The following CCAR1 variants were observed in gnomAD, a reference collection of about 807,000 sequenced individuals.
CCAR1 encodes the protein cell division cycle and apoptosis regulator protein 1.
Under a neutral mutation model 163.8 loss-of-function variants are expected in CCAR1, and 78 were observed. The observed-to-expected ratio is 0.48, with a 90% CI of 0.40 to 0.57. The LOEUF (loss-of-function observed/expected upper bound fraction) is 0.57, where lower values mean the gene tolerates loss of function less well. Among genes scored for constraint, CCAR1 ranks in the 20% least tolerant of loss-of-function variants. The pLI is 0.00. For synonymous variants in CCAR1, 443 were observed against 460.7 expected (o/e 0.96, Z 0.49); for missense variants, 1,019 against 1,365.2 (o/e 0.75, Z 4.00).
At chr10:68,762,984 T>G (rs1208264844) in intron 16 of CCAR1, among the ~76,000 whole-genome samples, 1 of 152,144 alleles carries the variant, frequency 6.6e-6, no homozygotes, top group Non-Finnish European at 1.5e-5. Context: ...TTGGAGAAAT[T>G]TTATTATGGA....
In CCAR1 at chr10:68,726,687, CAT is replaced by C. The variant is rs35105565; in HGVS notation, c.73+4112_73+4113del. Among the ~76,000 whole-genome samples the C allele has an allele frequency of 1.6e-3, 239 of 152,198 alleles. 2 individuals carry two copies. The East Asian group carries it at 0.044, about 28-fold the overall frequency. Reference sequence around the variant, plus strand: ...TCCATCAGATCTGATATTCCTAAAACATAGTTTCTGTCAAAATCACAGAATTT... The same window carrying C: ...TCCATCAGATCTGATATTCCTAAAACAGTTTCTGTCAAAATCACAGAATTT... On this transcript the variant is annotated intron_variant, in intron 2 of 24. Transcript: ENST00000265872.
In CCAR1 at chr10:68,779,296, C is replaced by T. The variant is rs147674072; in HGVS notation, c.2650+6197C>T. On this transcript the variant is annotated intron_variant, in intron 19 of 24. Coordinates refer to ENST00000265872, the MANE Select transcript of CCAR1 (RefSeq NM_018237.4). ...TTTTTGAGACAGAGTTTTGCTCTGT[C>T]GCCCAGCCTGGAGTGTCGTCGCGTG... Among the ~76,000 whole-genome samples the T allele has an allele frequency of 2.8e-3, 418 of 151,020 alleles. 7 individuals are homozygous for T. Among genetic ancestry groups the T allele is most frequent in the Admixed American group, 0.024 (369 of 15,134 alleles).
At chr10:68,729,248 C>G (rs535732903) in intron 2 of CCAR1, among the ~76,000 whole-genome samples, 3 of 150,004 alleles carry the variant, frequency 2.0e-5, no homozygotes, top group South Asian at 2.1e-4. Flanking sequence ...GTGACTTACT[C>G]TTTTTTGTTT....
chr10:68,752,482 T>C (rs938036291), intron 10 of CCAR1, among the ~76,000 whole-genome samples: 5 of 152,232 alleles, frequency 3.3e-5, no homozygotes, highest in South Asian at 2.1e-4. Flanking sequence ...GAAACAATTA[T>C]ACATACTTGC....
chr10:68,731,676 A>G (rs1174063872), intron 2 of CCAR1, among the ~76,000 whole-genome samples: 2 of 141,290 alleles, frequency 1.4e-5, no homozygotes, highest in African/African-American at 5.3e-5. Context: ...GCTCACTGCA[A>G]CCTCTACCTC....
intron 3 of CCAR1, among the ~76,000 whole-genome samples, chr10:68,737,326 G>T (rs530868048): frequency 6.6e-6 from 1 of 151,926 alleles, no homozygotes; most frequent in Non-Finnish European, 1.5e-5. Context: ...GCAACGTGGT[G>T]AGACAGCGTC....
At chr10:68,779,008 A>T (rs1309366729) in intron 19 of CCAR1, among the ~76,000 whole-genome samples, 1 of 151,932 alleles carries the variant, frequency 6.6e-6, no homozygotes. Flanking sequence ...ACGCCTGGCT[A>T]ATTTTTTTGT....
At chr10:68,723,465 A>G (rs1214301491) in intron 2 of CCAR1, among the ~76,000 whole-genome samples, 5 of 151,928 alleles carry the variant, frequency 3.3e-5, no homozygotes, top group Non-Finnish European at 5.9e-5. Context: ...TTAACTTTTA[A>G]TTGATTTAAT....
At chr10:68,736,053 A>G (rs951640048) in intron 2 of CCAR1, among the ~76,000 whole-genome samples, 1 of 151,920 alleles carries the variant, frequency 6.6e-6, no homozygotes, top group African/African-American at 2.4e-5. Flanking sequence ...GGGTTTCACT[A>G]TGTTGGCCAG....
chr10:68,771,345 A>T lies in CCAR1; in HGVS notation c.2438A>T (p.Asp813Val). Reference sequence around the variant, plus strand: ...AAAAGCAAAAAAGATGAGAGAAAAGATAAAAAAGAAGAAAGAGATGATGAA... The same window carrying T: ...AAAAGCAAAAAAGATGAGAGAAAAGTTAAAAAAGAAGAAAGAGATGATGAA... ...DKKSKKDERK[D>V]KKEERDDETD... The change falls in exon 18 of 25, where the codon GAT becomes GTT. Residue 813 changes from aspartate (D) to valine (V), a missense_variant. By Grantham distance (152) the Asp-to-Val change is radical (BLOSUM62 -3). Transcript: ENST00000265872. The T allele has an allele frequency of 1.2e-6, 2 of 1,605,586 alleles. No homozygotes were observed. The highest frequency in any genetic ancestry group is 1.1e-5 in the South Asian group (1 of 89,406).
chr10:68,759,825 CAATTA>C (rs1007769587), intron 15 of CCAR1, among the ~76,000 whole-genome samples: 7 of 151,816 alleles, frequency 4.6e-5, no homozygotes, highest in African/African-American at 1.7e-4. Context: ...TTATACTATT[CAATTA>C]AATTGATATA....
chr10:68,761,218 T>C, intron 16 of CCAR1, 26 bp downstream of exon 16: 1 of 1,388,650 alleles, frequency 7.2e-7, no homozygotes, highest in Non-Finnish European at 9.8e-7. Context: ...ATTATTATAC[T>C]CTATGGTATT....
At chr10:68,742,609 T>C (rs962757338) in intron 6 of CCAR1, 40 bp downstream of exon 6, 1 of 1,491,534 alleles carries the variant, frequency 6.7e-7, no homozygotes, top group Admixed American at 1.7e-5. Context: ...TTCTTGCATT[T>C]ACCACAAAAC....
At chr10:68,774,187 C>T (rs1167965873) in intron 19 of CCAR1, among the ~76,000 whole-genome samples, 1 of 151,686 alleles carries the variant, frequency 6.6e-6, no homozygotes, top group African/African-American at 2.4e-5. Context: ...CCACTGTGCC[C>T]GGCCTAATTT....
At chr10:68,726,780 G>A (rs972169095) in intron 2 of CCAR1, among the ~76,000 whole-genome samples, 20 of 151,676 alleles carry the variant, frequency 1.3e-4, no homozygotes, top group Admixed American at 6.6e-5. Context: ...GGCAGATCAC[G>A]AGGTCAGGAG....
At chr10:68,777,176 C>G (rs12146315) in intron 19 of CCAR1, among the ~76,000 whole-genome samples, 45,353 of 152,064 alleles carry the variant, frequency 0.3, 7,953 homozygotes, top group Middle Eastern at 0.42. Context: ...CCACTTCTTA[C>G]GAATTCCACT....
intron 3 of CCAR1, among the ~76,000 whole-genome samples, chr10:68,737,596 C>A (rs2056128287): frequency 6.6e-6 from 1 of 150,382 alleles, no homozygotes; most frequent in Admixed American, 6.6e-5. Context: ...AAATTTACTT[C>A]TTTTTGGATC....
At chr10:68,772,525 T>C (rs2056616149) in intron 18 of CCAR1, among the ~76,000 whole-genome samples, 1 of 152,064 alleles carries the variant, frequency 6.6e-6, no homozygotes, top group African/African-American at 2.4e-5. Context: ...TGTAAAACTT[T>C]TAAATAACTT....
intron 16 of CCAR1, 93 bp downstream of exon 16, chr10:68,761,285 G>A: frequency 4.1e-6 from 2 of 489,098 alleles, no homozygotes; most frequent in Non-Finnish European, 6.6e-6. Flanking sequence ...GTGTGTGTAA[G>A]CTTTTATTTA....
Sources: allele counts gnomAD v4.1 joint callset (sites outside exome capture counted in the v4.1 genomes callset), GRCh38; gene constraint gnomAD v4.1.1; transcripts MANE v1.5; gene names NCBI Gene and HGNC (gene_info 2026-07-23, HGNC 2026-07-21).